CHRM3: variants seen among roughly 807,000 people sequenced by gnomAD.
CHRM3 encodes the protein muscarinic acetylcholine receptor M3.
CHRM3 carries 11 observed loss-of-function variants against 41.8 expected under a neutral mutation model. The ratio of observed to expected loss-of-function variants is 0.26; its 90% confidence interval spans 0.17 to 0.44. The LOEUF is 0.44. Ranked by LOEUF, CHRM3 falls within the 20% of genes least tolerant of loss-of-function variation. The probability of loss-of-function intolerance (pLI) is 1.00; values close to 1 mark genes in which losing one functional copy is unlikely to be tolerated. For synonymous variants in CHRM3, 297 were observed against 301.4 expected (o/e 0.99, Z 0.15); for missense variants, 571 against 745.4 (o/e 0.77, Z 2.72).
rs1680377635 is a variant in CHRM3, at chr1:239,911,742, T to C, written c.*2518T>C. 6.0e-6 allele frequency: 1 copy of C among 167,050 alleles called. No homozygotes were observed. Among genetic ancestry groups the C allele is most frequent in the South Asian group, 2.1e-4 (1 of 4,832 alleles). 10.3% of individuals were successfully genotyped at this position (167,050 alleles called of 1,614,324 possible). Reference sequence around the variant, plus strand: ...CTTTTTTGTTTTACTGGTTTTATTATAGAATTGTTTTTAAGCCTCTTATGG... The same window carrying C: ...CTTTTTTGTTTTACTGGTTTTATTACAGAATTGTTTTTAAGCCTCTTATGG... On this transcript the variant is annotated 3_prime_UTR_variant, in exon 7 of 7. Transcript: ENST00000676153.
At chr1:239,776,794 G>A (rs531840558) in intron 5 of CHRM3, among the ~76,000 whole-genome samples, 166 of 152,300 alleles carry the variant, frequency 1.1e-3, no homozygotes, top group African/African-American at 3.8e-3. Flanking sequence ...TACAGTCATG[G>A]CGGAAGGGGA....
intron 1 of CHRM3, among the ~76,000 whole-genome samples, chr1:239,412,064 A>C (rs1338492462): frequency 6.6e-6 from 1 of 151,390 alleles, no homozygotes; most frequent in African/African-American, 2.4e-5. Context: ...ATCATATAAA[A>C]ATTTTGGTTA....
At chr1:239,446,635 T>G (rs182478878) in intron 1 of CHRM3, among the ~76,000 whole-genome samples, 17 of 152,326 alleles carry the variant, frequency 1.1e-4, no homozygotes, top group African/African-American at 4.1e-4. Flanking sequence ...GGTTGGCTCA[T>G]GCATGATCAA....
At chr1:239,556,765 A>T (rs1182270316) in intron 3 of CHRM3, among the ~76,000 whole-genome samples, 1 of 151,388 alleles carries the variant, frequency 6.6e-6, no homozygotes, top group Non-Finnish European at 1.5e-5. Flanking sequence ...GTAAAAATGT[A>T]TGACAAAAAG....
chr1:239,476,463 CAAAAAA>C (rs71567246), intron 1 of CHRM3, among the ~76,000 whole-genome samples: 1 of 117,704 alleles, frequency 8.5e-6, no homozygotes, highest in Non-Finnish European at 1.7e-5. Context: ...AGACTCCATC[CAAAAAA>C]AAAAAAAAAA....
intron 1 of CHRM3, among the ~76,000 whole-genome samples, chr1:239,397,957 C>A (rs537065591): frequency 6.6e-6 from 1 of 151,852 alleles, no homozygotes; most frequent in South Asian, 2.1e-4. Flanking sequence ...CATCAATATT[C>A]CCTTTGAAAT....
intron 3 of CHRM3, among the ~76,000 whole-genome samples, chr1:239,619,966 G>A (rs1024142493): frequency 6.6e-6 from 1 of 152,130 alleles, no homozygotes. Flanking sequence ...GCCATCTCTG[G>A]CTAAAGAATA....
At chr1:239,699,760 C>T (rs1382553601) in intron 5 of CHRM3, among the ~76,000 whole-genome samples, 1 of 152,106 alleles carries the variant, frequency 6.6e-6, no homozygotes, top group African/African-American at 2.4e-5. Context: ...CATGGAAACA[C>T]TGACTAAATG....
chr1:239,507,477 G>C (rs1490720944), intron 2 of CHRM3, among the ~76,000 whole-genome samples: 2 of 152,184 alleles, frequency 1.3e-5, no homozygotes, highest in African/African-American at 4.8e-5. Context: ...ACGTGGAACT[G>C]TAAGTCCAAT....
At chr1:239,518,982 T>C (rs1030860378) in intron 2 of CHRM3, among the ~76,000 whole-genome samples, 4 of 152,212 alleles carry the variant, frequency 2.6e-5, no homozygotes, top group African/African-American at 9.6e-5. Flanking sequence ...GTTGACAGGA[T>C]CAAAGGGAAA....
chr1:239,416,856 A>G (rs1033077305), intron 1 of CHRM3, among the ~76,000 whole-genome samples: 7 of 152,232 alleles, frequency 4.6e-5, no homozygotes, highest in African/African-American at 1.4e-4. Flanking sequence ...TAAACTACCA[A>G]GGTAACAGGT....
At chr1:239,847,732 A>C (rs1398787206) in intron 6 of CHRM3, among the ~76,000 whole-genome samples, 1 of 151,892 alleles carries the variant, frequency 6.6e-6, no homozygotes, top group Non-Finnish European at 1.5e-5. Flanking sequence ...ACACACACAT[A>C]TACACACACA....
intron 1 of CHRM3, among the ~76,000 whole-genome samples, chr1:239,388,571 A>G (rs1658742116): frequency 6.6e-6 from 1 of 152,244 alleles, no homozygotes; most frequent in Admixed American, 6.5e-5. Context: ...AAGAGAGACT[A>G]TGAACATATA....
chr1:239,854,871 G>A (rs1202600032), intron 6 of CHRM3, among the ~76,000 whole-genome samples: 4 of 152,096 alleles, frequency 2.6e-5, no homozygotes, highest in Non-Finnish European at 5.9e-5. Context: ...ATAAGTGGAA[G>A]GCATTTTAAA....
In CHRM3 at chr1:239,631,641, G is replaced by C. The variant is rs560364740; in HGVS notation, c.-312-583G>C. Reference sequence around the variant, plus strand: ...ATGGAGGTACTTTCCTAAGATTCTGGCCTAGCTGTCAGGCTCAGTACACTT... The same window carrying C: ...ATGGAGGTACTTTCCTAAGATTCTGCCCTAGCTGTCAGGCTCAGTACACTT... On this transcript the variant is annotated intron_variant, in intron 3 of 6. Transcript: ENST00000676153. Among the ~76,000 whole-genome samples the C allele has an allele frequency of 5.3e-5, 8 of 152,198 alleles. No homozygotes were observed. The South Asian group carries it at 1.5e-3, about 28-fold the overall frequency.
chr1:239,881,375 G>A (rs1677621914), intron 6 of CHRM3, among the ~76,000 whole-genome samples: 3 of 148,510 alleles, frequency 2.0e-5, no homozygotes, highest in South Asian at 2.1e-4. Flanking sequence ...GGCCTCACAA[G>A]AGAAAGTGGG....
chr1:239,749,095 C>G lies in CHRM3; in HGVS notation c.-147+70807C>G, dbSNP rs147863278. On this transcript the variant is annotated intron_variant, in intron 5 of 6. Coordinates refer to ENST00000676153, the MANE Select transcript of CHRM3 (RefSeq NM_001375978.1). ...AGGCCAGATACATATTTATTTTTCT[C>G]CTCTCATTTTTGCCTTCTCTTTTAG... Among the ~76,000 whole-genome samples the G allele has an allele frequency of 2.3e-3, 346 of 152,316 alleles. 1 individual carries two copies. The highest frequency in any genetic ancestry group is 8.1e-3 in the African/African-American group (335 of 41,574).
intron 1 of CHRM3, among the ~76,000 whole-genome samples, chr1:239,404,468 A>AAGAGAG (rs397954107): frequency 1.1e-5 from 1 of 90,294 alleles, no homozygotes; most frequent in Non-Finnish European, 2.5e-5. Context: ...GAAAGAAAGA[A>AAGAGAG]AAAGAAAGAA....
intron 5 of CHRM3, among the ~76,000 whole-genome samples, chr1:239,785,531 T>C (rs148170055): frequency 6.1e-4 from 93 of 152,318 alleles, no homozygotes; most frequent in African/African-American, 2.1e-3. Context: ...TACAGTCTCA[T>C]TGACTTCTCT....
Sources: gnomAD v4.1 joint callset for allele counts (sites outside exome capture counted in the v4.1 genomes callset) on GRCh38, gnomAD v4.1.1 for gene constraint, MANE v1.5 for transcripts, NCBI Gene and HGNC (gene_info 2026-07-23, HGNC 2026-07-21) for gene names.